Variants in COL5A1 observed in about 807,000 individuals in gnomAD.
COL5A1 encodes collagen alpha-1(V) chain.
COL5A1 carries 16 observed loss-of-function variants against 263.7 expected under a neutral mutation model. The ratio of observed to expected loss-of-function variants is 0.06; its 90% confidence interval spans 0.04 to 0.09. The LOEUF (loss-of-function observed/expected upper bound fraction) is 0.09. Among genes scored for constraint, COL5A1 ranks in the 10% least tolerant of loss-of-function variants. The probability of loss-of-function intolerance (pLI) is 1.00; values close to 1 mark genes in which losing one functional copy is unlikely to be tolerated. For missense variants in COL5A1, 2,036 were observed against 2,540.5 expected (o/e 0.80, Z 4.27); for synonymous variants, 1,012 against 1,004.5 (o/e 1.01, Z -0.14).
intron 44 of COL5A1, 41 bp from the exon 45 acceptor site, chr9:134,811,298 G>T (rs761278211): frequency 3.7e-6 from 6 of 1,601,714 alleles, no homozygotes; most frequent in Non-Finnish European, 5.1e-6. Context: ...CCTTATCCAC[G>T]ATCCAAGAAG....
intron 18 of COL5A1, among the ~76,000 whole-genome samples, chr9:134,759,995 AC>A (rs1158229467): frequency 3.3e-5 from 2 of 60,916 alleles, no homozygotes; most frequent in Admixed American, 2.2e-4. Flanking sequence ...ACACCCACAC[AC>A]CCCACACTCA....
intron 4 of COL5A1, among the ~76,000 whole-genome samples, chr9:134,710,297 G>A (rs1833978162): frequency 6.6e-6 from 1 of 152,236 alleles, no homozygotes; most frequent in African/African-American, 2.4e-5. Flanking sequence ...TGATGATGAT[G>A]GTAGTCATAG....
chr9:134,706,483 C>T (rs754501430), intron 4 of COL5A1, among the ~76,000 whole-genome samples: 2 of 152,102 alleles, frequency 1.3e-5, no homozygotes, highest in African/African-American at 2.4e-5. Flanking sequence ...TCTTCACAGG[C>T]AAGGAGAAGG....
chr9:134,836,767 T>G (rs771782411), intron 65 of COL5A1, among the ~76,000 whole-genome samples: 3 of 152,226 alleles, frequency 2.0e-5, no homozygotes, highest in African/African-American at 7.2e-5. Flanking sequence ...AGGGCTGCAC[T>G]GAGGGTTAAA....
chr9:134,685,387 C>G (rs145059019), intron 1 of COL5A1, among the ~76,000 whole-genome samples: 1 of 96,924 alleles, frequency 1.0e-5, no homozygotes, highest in Non-Finnish European at 2.2e-5. Context: ...ATCCATTCAT[C>G]CATCCATCCA....
At chr9:134,644,581 G>A (rs74202222) in intron 1 of COL5A1, among the ~76,000 whole-genome samples, 5 of 119,700 alleles carry the variant, frequency 4.2e-5, no homozygotes, top group Admixed American at 3.9e-4. Context: ...CCACTGGAGA[G>A]GCAGGCGCGG....
Position 134,696,170 on chromosome 9 carries a change from A to AATTATT in COL5A1, c.278-3723_278-3718dup, listed in dbSNP as rs555022941. Among the ~76,000 whole-genome samples, 31 of 151,228 alleles carry AATTATT rather than the reference A, an allele frequency of 2.0e-4. No individual in the cohort carries two copies. The highest frequency in any genetic ancestry group is 6.6e-4 in the African/African-American group (27 of 41,178). ...CCCCACTGCCCCCTGCATTATTTGC[A>AATTATT]ATTATTATTATTATTATTATTGAGA... On this transcript the variant is annotated intron_variant, in intron 2 of 65. Transcript: ENST00000371817. This position sits in a 1 kb window ranked among gnomAD's most constrained non-coding sequence, Gnocchi z 4.3.
chr9:134,728,002 G>A (rs1043126864), intron 5 of COL5A1, among the ~76,000 whole-genome samples: 1 of 152,194 alleles, frequency 6.6e-6, no homozygotes, highest in Non-Finnish European at 1.5e-5. Flanking sequence ...CACTCCCTGG[G>A]CCCACTGCCT....
At chr9:134,669,746 A>G (rs1832485328) in intron 1 of COL5A1, among the ~76,000 whole-genome samples, 1 of 152,182 alleles carries the variant, frequency 6.6e-6, no homozygotes, top group Admixed American at 6.5e-5. Flanking sequence ...GGGATGTGGA[A>G]GTAACCCTGG....
rs188541556 is a variant in COL5A1, at chr9:134,837,602, C to T, written c.5370+2398C>T. Among the ~76,000 whole-genome samples, 162 of 151,986 alleles carry T rather than the reference C, an allele frequency of 1.1e-3. 2 individuals are homozygous for T. Among genetic ancestry groups the T allele is most frequent in the Non-Finnish European group, 1.9e-3 (126 of 67,986 alleles). On this transcript the variant is annotated intron_variant, in intron 65 of 65. Transcript: ENST00000371817. ...CTCAGAACCTGACTTCCTGGCTCCA[C>T]CTGCATCCTGGGATAGGGTCAAGCT...
At position 134,682,242 on chromosome 9, in the gene COL5A1, G is replaced by A. The variant is rs969028804; in HGVS notation, c.110-8670G>A. Among the ~76,000 whole-genome samples the A allele has an allele frequency of 6.6e-6, 1 of 152,230 alleles. No homozygotes were observed. Among genetic ancestry groups the A allele is most frequent in the East Asian group, 1.9e-4 (1 of 5,186 alleles). On this transcript the variant is annotated intron_variant, in intron 1 of 65. Transcript: ENST00000371817. This position sits in a 1 kb window ranked among gnomAD's most constrained non-coding sequence, Gnocchi z 5.1. ...CCAGAGCCGACAGCACTATTCGGCT[G>A]GGTGCCAGGGACCCAGCCTAGTGCC...
rs550608926 is a variant in COL5A1, at chr9:134,714,271, T to C, written c.654+12938T>C. 2.6e-4 allele frequency among the ~76,000 whole-genome samples: 40 copies of C among 151,626 alleles called. No homozygotes were observed. In the South Asian group the frequency reaches 7.3e-3, roughly 28 times the overall value. ...GGACTGTTGATGATGGTGGTGGTGG[T>C]GGCGGAGGAGGTGGTGGTAGTGATG... On this transcript the variant is annotated intron_variant, in intron 4 of 65. Transcript: ENST00000371817.
chr9:134,718,007 T>G (rs1037664669), intron 4 of COL5A1, among the ~76,000 whole-genome samples: 3 of 146,278 alleles, frequency 2.1e-5, no homozygotes, highest in Non-Finnish European at 4.5e-5. Context: ...CAGCCTGGGC[T>G]GGGGGGCCGC....
At chr9:134,768,506 C>T (rs1434753749) in intron 25 of COL5A1, 43 bp downstream of exon 25, 2 of 1,591,880 alleles carry the variant, frequency 1.3e-6, no homozygotes, top group Non-Finnish European at 1.7e-6. Flanking sequence ...CTCTCCCCAC[C>T]TCCACCCTGC....
At chr9:134,808,656 A>G (rs1449743936) in intron 42 of COL5A1, among the ~76,000 whole-genome samples, 11 of 152,280 alleles carry the variant, frequency 7.2e-5, no homozygotes, top group Admixed American at 5.9e-4. Flanking sequence ...ATACCTGTGT[A>G]CATAGGCGTG....
chr9:134,817,428 GC>G (rs1316807335), intron 53 of COL5A1, among the ~76,000 whole-genome samples: 1 of 152,256 alleles, frequency 6.6e-6, no homozygotes, highest in Non-Finnish European at 1.5e-5. Flanking sequence ...GAATGGTCCA[GC>G]CACTTGCTGG....
At chr9:134,694,571 T>C (rs1339231879) in intron 2 of COL5A1, among the ~76,000 whole-genome samples, 1 of 152,096 alleles carries the variant, frequency 6.6e-6, no homozygotes, top group African/African-American at 2.4e-5. Flanking sequence ...GGCTAGAATT[T>C]CCCCCCTCAT....
At chr9:134,827,953 C>A (rs1417763409) in intron 63 of COL5A1, among the ~76,000 whole-genome samples, 1 of 152,208 alleles carries the variant, frequency 6.6e-6, no homozygotes, top group Non-Finnish European at 1.5e-5. Flanking sequence ...ACACCCCTTT[C>A]CTCCAGGGGA....
Position 134,728,825 on chromosome 9 carries a change from G to C in COL5A1, c.924+18G>C. The C allele has an allele frequency of 6.2e-7, 1 of 1,613,906 alleles. No individual in the cohort carries two copies. The highest frequency in any genetic ancestry group is 8.5e-7 in the Non-Finnish European group (1 of 1,180,000). On this transcript the variant is annotated intron_variant, in intron 6 of 65. Transcript: ENST00000371817. ...TCCCCGAGGTCTGGGCTGAGCGGGG[G>C]ACTGGGTTGGGCTGGGCCCCTCGAG...
Sources: allele counts gnomAD v4.1 joint callset (sites outside exome capture counted in the v4.1 genomes callset), GRCh38; gene constraint gnomAD v4.1.1; non-coding constraint Gnocchi (gnomAD v3.1); transcripts MANE v1.5; gene names NCBI Gene and HGNC (gene_info 2026-07-23, HGNC 2026-07-21).